The following CADPS variants were observed in gnomAD, a reference collection of about 807,000 sequenced individuals.
CADPS encodes calcium-dependent secretion activator 1.
In CADPS, 57 loss-of-function variants were observed where a neutral mutation model predicts 167.3. The observed-to-expected ratio is 0.34, with a 90% CI of 0.28 to 0.42. The LOEUF (loss-of-function observed/expected upper bound fraction) is 0.42, where lower values mean the gene tolerates loss of function less well. CADPS is among the 20% of genes least tolerant of loss of function. CADPS has a pLI of 1.00. For synonymous variants in CADPS, 676 were observed against 635.3 expected (o/e 1.06, Z -0.96); for missense variants, 1,414 against 1,738.1 (o/e 0.81, Z 3.32).
At chr3:62,689,877 G>T (rs3905295) in intron 3 of CADPS, among the ~76,000 whole-genome samples, 1 of 151,952 alleles carries the variant, frequency 6.6e-6, no homozygotes, top group East Asian at 1.9e-4. Context: ...GAGGGGGGGC[G>T]GCGTTCTAGC....
intron 3 of CADPS, among the ~76,000 whole-genome samples, chr3:62,679,138 C>T (rs2076749269): frequency 6.6e-6 from 1 of 151,870 alleles, no homozygotes; most frequent in African/African-American, 2.4e-5. Flanking sequence ...TGAAAGTCTG[C>T]TTTGCAGCCA....
intron 5 of CADPS, 149 bp from the exon 6 acceptor site, chr3:62,645,992 T>C (rs1316646581): frequency 3.7e-6 from 3 of 807,364 alleles, no homozygotes; most frequent in East Asian, 5.4e-5. Context: ...CTGGGACCAG[T>C]CTAGCACGAA....
chr3:62,749,414 C>T (rs1353407201), intron 3 of CADPS, among the ~76,000 whole-genome samples: 1 of 152,146 alleles, frequency 6.6e-6, no homozygotes, highest in Non-Finnish European at 1.5e-5. Flanking sequence ...CAGATTACAG[C>T]TTCCCCTAGG....
chr3:62,424,309 G>A (rs376778911), intron 28 of CADPS, among the ~76,000 whole-genome samples: 12 of 152,040 alleles, frequency 7.9e-5, no homozygotes, highest in African/African-American at 2.7e-4. Flanking sequence ...TCAGCCTCCC[G>A]AGTAGGTGGG....
chr3:62,681,339 G>C (rs1407038057), intron 3 of CADPS, among the ~76,000 whole-genome samples: 1 of 152,012 alleles, frequency 6.6e-6, no homozygotes, highest in African/African-American at 2.4e-5. Flanking sequence ...CTGTTGGTGT[G>C]GTCACCTGAC....
chr3:62,444,599 T>C (rs543183748), intron 27 of CADPS, among the ~76,000 whole-genome samples: 40 of 152,352 alleles, frequency 2.6e-4, no homozygotes, highest in Admixed American at 7.2e-4. Context: ...TTATAAGAAC[T>C]GTCTACCTGA....
chr3:62,662,362 G>T lies in CADPS; in HGVS notation c.921C>A (p.Ile307=), dbSNP rs2150494034. Reference sequence around the variant, plus strand: ...GTAGACGTCCATCCAGCTCTCGTCTGATCTGGGCTGCTTGCTCATCTGGAT... The same window carrying T: ...GTAGACGTCCATCCAGCTCTCGTCTTATCTGGGCTGCTTGCTCATCTGGAT... ...LDNPDEQAAQ[I]RRELDGRLQM... The change falls in exon 4 of 30, where the codon ATC becomes ATA. Residue 307 remains isoleucine (I), a synonymous_variant. Coordinates refer to ENST00000383710, the MANE Select transcript of CADPS (RefSeq NM_003716.4). The T allele has an allele frequency of 6.2e-7, 1 of 1,614,008 alleles. No individual in the cohort carries two copies.
intron 3 of CADPS, among the ~76,000 whole-genome samples, chr3:62,696,215 G>C (rs959283998): frequency 7.9e-5 from 12 of 152,042 alleles, no homozygotes; most frequent in African/African-American, 2.9e-4. Flanking sequence ...TCTGCCAGCT[G>C]CTCCTTGCTG....
intron 1 of CADPS, among the ~76,000 whole-genome samples, chr3:62,775,220 A>T (rs373887198): frequency 0.022 from 3,233 of 148,788 alleles, 54 homozygotes; most frequent in South Asian, 0.059. Context: ...GTATTTTTGT[A>T]TTTTTTTTTT....
chr3:62,480,303 GAAGAT>G (rs1323080682), intron 22 of CADPS, among the ~76,000 whole-genome samples: 3 of 152,124 alleles, frequency 2.0e-5, no homozygotes, highest in Non-Finnish European at 2.9e-5. Context: ...ATGCACAGAG[GAAGAT>G]AAGAGAAGCT....
intron 6 of CADPS, among the ~76,000 whole-genome samples, chr3:62,606,486 G>A (rs2060712026): frequency 6.6e-6 from 1 of 152,170 alleles, no homozygotes; most frequent in Non-Finnish European, 1.5e-5. Flanking sequence ...TCTGCAGAGA[G>A]TCCCCACCAG....
chr3:62,853,787 C>T (rs1356491632), intron 1 of CADPS, among the ~76,000 whole-genome samples: 1 of 151,502 alleles, frequency 6.6e-6, no homozygotes, highest in African/African-American at 2.4e-5. Context: ...ATGGCAAAAC[C>T]CTGTCTCTAC....
chr3:62,681,924 C>A (rs1013050690), intron 3 of CADPS, among the ~76,000 whole-genome samples: 1 of 152,048 alleles, frequency 6.6e-6, no homozygotes, highest in Non-Finnish European at 1.5e-5. Flanking sequence ...GCAATTCAGG[C>A]CTTTTGTTCT....
intron 13 of CADPS, among the ~76,000 whole-genome samples, chr3:62,530,317 G>T (rs2073359597): frequency 6.6e-6 from 1 of 152,056 alleles, no homozygotes; most frequent in South Asian, 2.1e-4. Flanking sequence ...AGCATGGGTT[G>T]CTTATTATGA....
At chr3:62,758,673 G>C (rs1214724465) in intron 2 of CADPS, among the ~76,000 whole-genome samples, 1 of 152,320 alleles carries the variant, frequency 6.6e-6, no homozygotes, top group Non-Finnish European at 1.5e-5. Flanking sequence ...CCCAAGCCCA[G>C]TTCTATCTGG....
At chr3:62,558,701 G>A (rs2078628574) in intron 9 of CADPS, among the ~76,000 whole-genome samples, 1 of 152,262 alleles carries the variant, frequency 6.6e-6, no homozygotes, top group African/African-American at 2.4e-5. Context: ...GAGATGAAGG[G>A]TGTCCGCAGG....
At chr3:62,648,334 T>C (rs2069064604) in intron 5 of CADPS, among the ~76,000 whole-genome samples, 1 of 152,168 alleles carries the variant, frequency 6.6e-6, no homozygotes, top group African/African-American at 2.4e-5. Flanking sequence ...CTTGTCTACA[T>C]CTATATTTCA....
chr3:62,416,235 T>C (rs2050035156), intron 28 of CADPS, among the ~76,000 whole-genome samples: 1 of 152,208 alleles, frequency 6.6e-6, no homozygotes, highest in Admixed American at 6.5e-5. Flanking sequence ...TATATACTTC[T>C]GACAAAAGAA....
intron 26 of CADPS, among the ~76,000 whole-genome samples, chr3:62,464,643 C>T (rs1159157908): frequency 6.6e-6 from 1 of 152,132 alleles, no homozygotes; most frequent in Non-Finnish European, 1.5e-5. Flanking sequence ...ATTTCTATGG[C>T]CTTGCCTAAT....
Sources: gnomAD v4.1 joint callset for allele counts (sites outside exome capture counted in the v4.1 genomes callset) on GRCh38, gnomAD v4.1.1 for gene constraint, MANE v1.5 for transcripts, NCBI Gene and HGNC (gene_info 2026-07-23, HGNC 2026-07-21) for gene names.